The following TBC1D30 variants were observed in gnomAD, a reference collection of about 807,000 sequenced individuals.
TBC1D30 encodes TBC1 domain family member 30.
Under a neutral mutation model 63.2 loss-of-function variants are expected in TBC1D30, and 31 were observed. The ratio of observed to expected loss-of-function variants is 0.49; its 90% CI spans 0.37 to 0.66. The LOEUF is 0.66. Among genes scored for constraint, TBC1D30 ranks in the 30% least tolerant of loss-of-function variants. TBC1D30 has a pLI of 0.00. For missense variants in TBC1D30, 810 were observed against 953.6 expected (o/e 0.85, Z 1.98); for synonymous variants, 307 against 361.5 (o/e 0.85, Z 1.71).
chr12:64,869,578 A>G (rs1365306101), intron 10 of TBC1D30, among the ~76,000 whole-genome samples: 1 of 152,140 alleles, frequency 6.6e-6, no homozygotes, highest in African/African-American at 2.4e-5. Flanking sequence ...TTTTAATGGT[A>G]AAGTTTTTGA....
intron 2 of TBC1D30, among the ~76,000 whole-genome samples, chr12:64,790,560 AC>A (rs1227095396): frequency 5.9e-5 from 9 of 152,226 alleles, no homozygotes; most frequent in African/African-American, 9.6e-5. Flanking sequence ...CTGAAAAAAA[AC>A]ATGAACAAAA....
chr12:64,836,968 C>T (rs1875423178), intron 6 of TBC1D30, among the ~76,000 whole-genome samples: 1 of 152,160 alleles, frequency 6.6e-6, no homozygotes, highest in African/African-American at 2.4e-5. Context: ...CTGCTCTAAG[C>T]TGGCACCAAA....
At chr12:64,764,565 TC>T (rs1246073673) in intron 1 of TBC1D30, among the ~76,000 whole-genome samples, 1 of 152,186 alleles carries the variant, frequency 6.6e-6, no homozygotes, top group Non-Finnish European at 1.5e-5. Context: ...AGGACTGTGA[TC>T]CACATGTAAA....
intron 5 of TBC1D30, among the ~76,000 whole-genome samples, chr12:64,833,276 G>C (rs1472066176): frequency 6.6e-6 from 1 of 152,144 alleles, no homozygotes; most frequent in African/African-American, 2.4e-5. Flanking sequence ...ACCTTTATTA[G>C]TTAAAACAAA....
chr12:64,767,796 G>C (rs532206448), intron 1 of TBC1D30, among the ~76,000 whole-genome samples: 5,589 of 111,958 alleles, frequency 0.05, 717 homozygotes, highest in African/African-American at 0.16. Flanking sequence ...GGCGGGGGGG[G>C]GGGGAGGGGG....
intron 7 of TBC1D30, 115 bp from the exon 8 acceptor site, chr12:64,843,265 G>C (rs1255991454): frequency 1.1e-6 from 1 of 904,792 alleles, no homozygotes; most frequent in East Asian, 2.7e-5. Context: ...AGAGTGCTGG[G>C]ATTATAGGCA....
intron 7 of TBC1D30, among the ~76,000 whole-genome samples, chr12:64,842,429 G>A (rs1400664015): frequency 6.6e-6 from 1 of 152,126 alleles, no homozygotes; most frequent in African/African-American, 2.4e-5. Context: ...GGGCTCTTCT[G>A]TTTTCCCCTT....
At chr12:64,872,212 G>A (rs1444002987) in intron 11 of TBC1D30, among the ~76,000 whole-genome samples, 2 of 152,126 alleles carry the variant, frequency 1.3e-5, no homozygotes, top group African/African-American at 4.8e-5. Flanking sequence ...ATTTTTAGTA[G>A]AGACGGGATT....
At chr12:64,786,533 TGCTGGTCAG>T (rs1248169803) in intron 2 of TBC1D30, among the ~76,000 whole-genome samples, 15 of 152,054 alleles carry the variant, frequency 9.9e-5, no homozygotes, top group Non-Finnish European at 1.0e-4. Context: ...GGTTTCACCT[TGCTGGTCAG>T]GCTGGTCAGG....
intron 1 of TBC1D30, 76 bp from the exon 2 acceptor site, chr12:64,827,759 A>G: frequency 9.7e-7 from 1 of 1,029,956 alleles, no homozygotes; most frequent in Admixed American, 2.6e-5. Flanking sequence ...CAGTAGAATC[A>G]AGCTTTTACT....
intron 2 of TBC1D30, among the ~76,000 whole-genome samples, chr12:64,814,971 A>G (rs1873436032): frequency 6.6e-6 from 1 of 152,214 alleles, no homozygotes. Context: ...TGAGGCCTAT[A>G]GTGACTGACA....
At position 64,832,287 on chromosome 12, in the gene TBC1D30, G is replaced by A; in HGVS notation, c.577G>A (p.Glu193Lys). The A allele has an allele frequency of 6.5e-7, 1 of 1,536,062 alleles. No homozygotes were observed. The highest frequency in any genetic ancestry group is 8.7e-7 in the Non-Finnish European group (1 of 1,146,860). Residue 193 changes from glutamate to lysine, a missense_variant, in exon 5 of 12, where the codon GAA (glutamate) becomes AAA (lysine). This residue lies in a region of TBC1D30 where 272 missense variants were observed against 335.9 expected (regional missense o/e 0.81). Transcript: ENST00000539867. The part of the protein sequence containing the change: ...ALILEVMEGN[E>K]GDALKIMIYL... ...AATTCTGGAAGTGATGGAAGGCAAT[G>A]AAGGGGATGCCCTGAAAGTGAGTAG...
intron 1 of TBC1D30, chr12:64,768,440 A>G (rs1028127965): frequency 2.0e-5 from 3 of 152,350 alleles, no homozygotes. Context: ...GGCTCAAGCA[A>G]TCCTCCTGCC....
intron 8 of TBC1D30, among the ~76,000 whole-genome samples, chr12:64,855,669 A>C (rs1877239904): frequency 6.6e-6 from 1 of 152,250 alleles, no homozygotes; most frequent in Non-Finnish European, 1.5e-5. Context: ...TTTCTGCTTA[A>C]CTATTTCACT....
chr12:64,829,618 GC>G (rs1319724982), intron 3 of TBC1D30, among the ~76,000 whole-genome samples: 4 of 152,114 alleles, frequency 2.6e-5, no homozygotes, highest in African/African-American at 9.7e-5. Context: ...TTGGATATAT[GC>G]TTCTGAGGTT....
At chr12:64,780,621 C>G (rs1871216211) in exon 1 of TBC1D30, among the ~76,000 whole-genome samples, 1 of 152,174 alleles carries the variant, frequency 6.6e-6, no homozygotes, top group East Asian at 1.9e-4. Context: ...TCGCCCGGTC[C>G]GGAGCGGAGG....
At chr12:64,843,778 C>T (rs1876111257) in intron 8 of TBC1D30, among the ~76,000 whole-genome samples, 1 of 152,120 alleles carries the variant, frequency 6.6e-6, no homozygotes, top group African/African-American at 2.4e-5. Context: ...AGTGCTTATT[C>T]TGAATTTTAT....
At position 64,844,401 on chromosome 12, in the gene TBC1D30, C is replaced by T. The variant is rs1034878074; in HGVS notation, c.1038+916C>T. On this transcript the variant is annotated intron_variant, in intron 8 of 11. Transcript: ENST00000539867. ...TTTTAATTTCTAATTTTTGTGGGCA[C>T]GTAGTAGGTGCATATATTTATGGGG... Among the ~76,000 whole-genome samples the T allele has an allele frequency of 7.9e-5, 12 of 151,986 alleles. 1 individual carries two copies. The highest frequency in any genetic ancestry group is 2.9e-4 in the African/African-American group (12 of 41,378).
At chr12:64,816,025 G>T (rs900177738) in intron 2 of TBC1D30, among the ~76,000 whole-genome samples, 6 of 138,492 alleles carry the variant, frequency 4.3e-5, no homozygotes, top group African/African-American at 1.6e-4. Context: ...AATTTGATTT[G>T]TTCAGAATAC....
Sources: gnomAD v4.1 joint callset for allele counts (sites outside exome capture counted in the v4.1 genomes callset) on GRCh38, gnomAD v4.1.1 for gene constraint, gnomAD v4.1.1 regional missense constraint, MANE v1.5 for transcripts, NCBI Gene and HGNC (gene_info 2026-07-23, HGNC 2026-07-21) for gene names.